Variants in RYR3 observed in about 807,000 individuals in gnomAD.
RYR3 encodes brain ryanodine receptor-calcium release channel.
In RYR3, 207 loss-of-function variants were observed where a neutral mutation model predicts 584.3. The observed-to-expected ratio is 0.35, with a 90% CI of 0.32 to 0.40. RYR3 has a LOEUF of 0.40. RYR3 is among the 10% of genes least tolerant of loss of function. RYR3 has a pLI of 1.00. For missense variants in RYR3, 5,616 were observed against 6,089.2 expected, an observed-to-expected ratio of 0.92 and a Z score of 2.59; for synonymous variants, 2,416 against 2,248.5, an observed-to-expected ratio of 1.07 and a Z score of -2.11.
intron 89 of RYR3, 40 bp from the exon 90 acceptor site, chr15:33,840,785 T>C (rs905385365): frequency 6.2e-7 from 1 of 1,604,284 alleles, no homozygotes; most frequent in East Asian, 2.2e-5. Flanking sequence ...ATGACCTCGC[T>C]TCTTTGAGGA....
intron 60 of RYR3, 39 bp downstream of exon 60, chr15:33,757,635 G>A: frequency 6.3e-7 from 1 of 1,594,420 alleles, no homozygotes; most frequent in Non-Finnish European, 8.5e-7. Context: ...TGGTGCTGAT[G>A]CAATTTACTT....
At chr15:33,695,167 G>C (rs2065747992) in intron 38 of RYR3, among the ~76,000 whole-genome samples, 1 of 152,198 alleles carries the variant, frequency 6.6e-6, no homozygotes, top group Non-Finnish European at 1.5e-5. Context: ...TTGTAGGACT[G>C]TGATATGCAG....
At chr15:33,761,398 T>TA (rs2072434036) in intron 60 of RYR3, among the ~76,000 whole-genome samples, 1 of 151,712 alleles carries the variant, frequency 6.6e-6, no homozygotes, top group Admixed American at 6.6e-5. Flanking sequence ...ATAGACACAA[T>TA]AAAAAATGAT....
chr15:33,367,028 C>T (rs1026941912), intron 1 of RYR3, among the ~76,000 whole-genome samples: 10 of 152,162 alleles, frequency 6.6e-5, no homozygotes, highest in Admixed American at 3.3e-4. Flanking sequence ...ACATTTTGTT[C>T]ATCCATTTAT....
Position 33,631,268 on chromosome 15 carries a change from C to T in RYR3, c.2842C>T (p.Leu948Phe). The change falls in exon 23 of 104, where the codon CTC becomes TTC. Residue 948 changes from leucine (L) to phenylalanine (F), a missense_variant. By Grantham distance (22) the Leu-to-Phe change is conservative (BLOSUM62 0). This residue lies in a region of RYR3 where 1,284 missense variants were observed against 1,344.6 expected (regional missense o/e 0.95). Coordinates refer to ENST00000634891, the MANE Select transcript of RYR3 (RefSeq NM_001036.6). ...TGTTAACCCAGCTGCTGAGGAGGAT[C>T]TCAAGAAGGTCAAACTGCCCAAAAA... ...AHVNPAAEEDLKKVKLPKNYM... is the reference protein window; with the variant it reads ...AHVNPAAEEDFKKVKLPKNYM... The T allele has an allele frequency of 1.3e-6, 2 of 1,588,312 alleles. No homozygotes were observed. The highest frequency in any genetic ancestry group is 1.7e-6 in the Non-Finnish European group (2 of 1,166,314).
intron 1 of RYR3, among the ~76,000 whole-genome samples, chr15:33,378,973 A>C (rs189074627): frequency 6.6e-6 from 1 of 152,200 alleles, no homozygotes; most frequent in Non-Finnish European, 1.5e-5. Context: ...TCAAAAAAAA[A>C]AAAGTGTGTT....
chr15:33,805,687 C>T (rs567087594), intron 69 of RYR3, among the ~76,000 whole-genome samples: 21 of 151,706 alleles, frequency 1.4e-4, no homozygotes, highest in South Asian at 4.2e-4. Context: ...CTGTGTTAGC[C>T]AGGATGGTCT....
chr15:33,712,086 T>C lies in RYR3; in HGVS notation c.6619+5032T>C, dbSNP rs370579393. The stretch of plus-strand genomic sequence containing the variant: ...GGTGAAGCCTCTGGGAGCTTTCAAT[T>C]GTGGCAGAAGGTGAAGGGGGAATAG... On this transcript the variant is annotated intron_variant, in intron 43 of 103. Coordinates refer to ENST00000634891, the MANE Select transcript of RYR3 (RefSeq NM_001036.6). 5.3e-5 allele frequency among the ~76,000 whole-genome samples: 8 copies of C among 152,128 alleles called. No homozygotes were observed. In the East Asian group the frequency reaches 1.2e-3, roughly 22 times the overall value.
intron 2 of RYR3, among the ~76,000 whole-genome samples, chr15:33,493,707 C>G (rs1165354981): frequency 6.6e-6 from 1 of 152,176 alleles, no homozygotes; most frequent in Non-Finnish European, 1.5e-5. Flanking sequence ...TTTCTTGGCT[C>G]ACCGTATTTC....
At chr15:33,790,797 C>G (rs753942642) in intron 67 of RYR3, among the ~76,000 whole-genome samples, 8 of 151,980 alleles carry the variant, frequency 5.3e-5, no homozygotes, top group Non-Finnish European at 8.8e-5. Context: ...ACTAAGAGGT[C>G]AGGTAGAAGA....
chr15:33,846,156 G>A (rs1222132218), intron 93 of RYR3, among the ~76,000 whole-genome samples: 6 of 152,252 alleles, frequency 3.9e-5, no homozygotes, highest in South Asian at 2.1e-4. Flanking sequence ...TGATCTGTCC[G>A]GTAGGGTAGC....
chr15:33,723,024 C>G (rs1172395921), intron 44 of RYR3, 129 bp downstream of exon 44: 2 of 815,146 alleles, frequency 2.5e-6, no homozygotes, highest in East Asian at 2.7e-5. Flanking sequence ...AAACATTGAC[C>G]CTTCATCGAG....
chr15:33,570,756 G>A (rs1473347783), intron 12 of RYR3, among the ~76,000 whole-genome samples: 1 of 152,074 alleles, frequency 6.6e-6, no homozygotes, highest in East Asian at 1.9e-4. Flanking sequence ...GGAAGATATT[G>A]TGGTTTTTAT....
At chr15:33,586,764 T>C (rs2058870031) in intron 16 of RYR3, among the ~76,000 whole-genome samples, 1 of 152,198 alleles carries the variant, frequency 6.6e-6, no homozygotes. Context: ...CATCTCTATT[T>C]TTATGAAGTT....
rs371530040 is a variant in RYR3 at position 33,540,488 on chromosome 15, G to A, written c.547-303G>A. Among the ~76,000 whole-genome samples the A allele has an allele frequency of 6.1e-3, 929 of 152,240 alleles. 9 individuals are homozygous for A. Among genetic ancestry groups the A allele is most frequent in the African/African-American group, 0.021 (891 of 41,554 alleles). On this transcript the variant is annotated intron_variant, in intron 6 of 103. Coordinates refer to ENST00000634891, the MANE Select transcript of RYR3 (RefSeq NM_001036.6). ...AAGTGTTGGGTAATTTTTCCCATTT[G>A]TGAGTTATCTTATCCTACAAAGAAT...
chr15:33,667,859 C>T (rs2063571504), intron 36 of RYR3, among the ~76,000 whole-genome samples: 1 of 151,968 alleles, frequency 6.6e-6, no homozygotes, highest in African/African-American at 2.4e-5. Flanking sequence ...GTCAGGAGTT[C>T]TAGATCAGCC....
chr15:33,369,576 A>G (rs1425783687), intron 1 of RYR3, among the ~76,000 whole-genome samples: 1 of 151,316 alleles, frequency 6.6e-6, no homozygotes, highest in Non-Finnish European at 1.5e-5. Flanking sequence ...TCCTTCATCT[A>G]TCTATCTGTC....
intron 52 of RYR3, 38 bp from the exon 53 acceptor site, chr15:33,746,030 G>C (rs758481426): frequency 7.1e-7 from 1 of 1,407,562 alleles, no homozygotes; most frequent in Non-Finnish European, 9.9e-7. Flanking sequence ...GGGGTTCTTT[G>C]CGTGCCAAGG....
rs112574175 is a variant in RYR3, at chr15:33,550,956, G to A, written c.972+640G>A. ...CCATCCATCCCAAACCTTCATTAAG[G>A]ATGGATCCTCTGGTAGTTAGGTTAA... On this transcript the variant is annotated intron_variant, in intron 10 of 103. Transcript: ENST00000634891. 3.9e-3 allele frequency among the ~76,000 whole-genome samples: 595 copies of A among 152,214 alleles called. 5 individuals are homozygous for A. Among genetic ancestry groups the A allele is most frequent in the African/African-American group, 0.014 (565 of 41,536 alleles).
Sources: gnomAD v4.1 joint callset for allele counts (sites outside exome capture counted in the v4.1 genomes callset) on GRCh38, gnomAD v4.1.1 for gene constraint, gnomAD v4.1.1 regional missense constraint, MANE v1.5 for transcripts, NCBI Gene and HGNC (gene_info 2026-07-23, HGNC 2026-07-21) for gene names.